SGCD: variants seen among roughly 807,000 people sequenced by gnomAD.
The protein encoded by SGCD is sarcoglycan delta.
In SGCD, 18 loss-of-function variants were observed where a neutral mutation model predicts 36.6. The observed-to-expected ratio is 0.49, with a 90% confidence interval of 0.34 to 0.73. The LOEUF (loss-of-function observed/expected upper bound fraction) is 0.73, where lower values mean the gene tolerates loss of function less well. Ranked by LOEUF, SGCD falls within the 30% of genes least tolerant of loss-of-function variation. The pLI is 0.01. For synonymous variants in SGCD, 133 were observed against 130.6 expected (o/e 1.02, Z -0.12); for missense variants, 387 against 346.7 (o/e 1.12, Z -0.92).
At chr5:155,777,798 T>G in the SGCD span, among the ~76,000 whole-genome samples, 10,254 of 152,138 alleles carry the variant, frequency 0.067, 1,103 homozygotes, top group African/African-American at 0.23. Context: ...GAGTTTTTTT[T>G]TGTGTTTGTT....
At chr5:156,287,494 G>T (rs942124985) in intron 3 of SGCD, among the ~76,000 whole-genome samples, 16 of 152,112 alleles carry the variant, frequency 1.1e-4, no homozygotes, top group Admixed American at 5.2e-4. Context: ...GAAAAGCCAA[G>T]GCAGTACATC....
intron 4 of SGCD, among the ~76,000 whole-genome samples, chr5:156,547,583 C>G (rs1008367758): frequency 6.6e-6 from 1 of 152,074 alleles, no homozygotes; most frequent in African/African-American, 2.4e-5. Context: ...GCTGGGACTA[C>G]AGGTGCCCAT....
chr5:156,477,684 G>GC (rs1554106885), intron 3 of SGCD, among the ~76,000 whole-genome samples: 11 of 48,754 alleles, frequency 2.3e-4, no homozygotes, highest in East Asian at 1.6e-3. Flanking sequence ...AAGTATTTGA[G>GC]CAAAAAAAAA....
chr5:156,492,728 G>A (rs1002536313), intron 3 of SGCD, among the ~76,000 whole-genome samples: 11 of 151,960 alleles, frequency 7.2e-5, no homozygotes, highest in Admixed American at 2.0e-4. Context: ...CCCACCACCC[G>A]ATAGGCCCTG....
At chr5:156,325,795 T>C (rs1767791988), upstream of SGCD, among the ~76,000 whole-genome samples, 1 of 152,142 alleles carries the variant, frequency 6.6e-6, no homozygotes, top group South Asian at 2.1e-4. Flanking sequence ...ACTCCAAAGA[T>C]CTGATTCTGT....
chr5:156,005,682 C>A (rs1007561416), intron 1 of SGCD, among the ~76,000 whole-genome samples: 2 of 152,174 alleles, frequency 1.3e-5, no homozygotes, highest in Admixed American at 1.3e-4. Context: ...TGTCTCCTGA[C>A]CTCATGATCC....
chr5:156,150,676 C>T (rs752462630), intron 3 of SGCD, among the ~76,000 whole-genome samples: 3 of 151,630 alleles, frequency 2.0e-5, no homozygotes, highest in Admixed American at 6.6e-5. Flanking sequence ...GTGGCTTCCC[C>T]GCAGTGATCT....
At chr5:155,775,808 C>T in the SGCD span, among the ~76,000 whole-genome samples, 1 of 152,090 alleles carries the variant, frequency 6.6e-6, no homozygotes, top group Non-Finnish European at 1.5e-5. Flanking sequence ...AGTCTGTTCC[C>T]TCAGGGAGCT....
the SGCD span, among the ~76,000 whole-genome samples, chr5:155,844,117 A>G: frequency 1.1e-4 from 17 of 151,800 alleles, no homozygotes; most frequent in African/African-American, 4.1e-4. Flanking sequence ...CAAAAGGGGA[A>G]AAAAAAACAA....
chr5:156,059,292 G>A (rs1326305957), intron 1 of SGCD, among the ~76,000 whole-genome samples: 1 of 145,528 alleles, frequency 6.9e-6, no homozygotes, highest in East Asian at 1.9e-4. Flanking sequence ...CCAGGAAAGG[G>A]AAGGCGGGTT....
At chr5:156,129,408 G>A (rs1164343557) in intron 3 of SGCD, among the ~76,000 whole-genome samples, 3 of 152,168 alleles carry the variant, frequency 2.0e-5, no homozygotes, top group Non-Finnish European at 4.4e-5. Flanking sequence ...TCAAGTGTCA[G>A]TCCATCTGAC....
intron 4 of SGCD, among the ~76,000 whole-genome samples, chr5:156,529,872 T>C (rs1480703647): frequency 6.6e-6 from 1 of 152,266 alleles, no homozygotes; most frequent in East Asian, 1.9e-4. Context: ...TGTGGGACTT[T>C]GCATTTCCAT....
At chr5:156,137,458 C>A (rs1323578062) in intron 3 of SGCD, among the ~76,000 whole-genome samples, 1 of 152,052 alleles carries the variant, frequency 6.6e-6, no homozygotes, top group Non-Finnish European at 1.5e-5. Context: ...GGAACATATT[C>A]CAGATGGTCA....
At chr5:156,527,474 A>T (rs1246913741) in intron 4 of SGCD, among the ~76,000 whole-genome samples, 2 of 152,102 alleles carry the variant, frequency 1.3e-5, no homozygotes, top group Non-Finnish European at 2.9e-5. Context: ...AATGTCCTGG[A>T]TGATGTGGGG....
chr5:155,747,012 GGT>G, the SGCD span, among the ~76,000 whole-genome samples: 1 of 151,988 alleles, frequency 6.6e-6, no homozygotes, highest in Non-Finnish European at 1.5e-5. Flanking sequence ...TGGTCTCTGG[GGT>G]GTGAGATTTT....
Position 156,318,885 on chromosome 5 carries a change from C to T in SGCD, c.-43-10649C>T, listed in dbSNP as rs572351007. On this transcript the variant is annotated intron_variant, in intron 3 of 9. Transcript: ENST00000517913. ...TGCTGGGATTACAGGCATGAGTCAC[C>T]GCATTTGGCCTCTTGGATGACCTCT... Among the ~76,000 whole-genome samples, 12 of 152,244 alleles carry T rather than the reference C, an allele frequency of 7.9e-5. No individual in the cohort carries two copies. In the East Asian group the frequency reaches 1.5e-3, roughly 20 times the overall value.
At chr5:156,756,409 G>A (rs1030596263) in intron 7 of SGCD, among the ~76,000 whole-genome samples, 9 of 152,136 alleles carry the variant, frequency 5.9e-5, no homozygotes, top group South Asian at 2.1e-4. Flanking sequence ...TTAGCTGCCC[G>A]TGGTGGCACA....
the SGCD span, among the ~76,000 whole-genome samples, chr5:155,796,521 C>T: frequency 0.041 from 6,261 of 151,444 alleles, 393 homozygotes; most frequent in African/African-American, 0.14. Context: ...ATCAATGATT[C>T]GGCCGGGCGC....
At chr5:156,279,068 T>A (rs1455355876) in intron 3 of SGCD, among the ~76,000 whole-genome samples, 2 of 152,146 alleles carry the variant, frequency 1.3e-5, no homozygotes, top group Non-Finnish European at 2.9e-5. Flanking sequence ...AGGACAGCCC[T>A]CACAACAAAG....
Sources: allele counts gnomAD v4.1 joint callset (sites outside exome capture counted in the v4.1 genomes callset), GRCh38; gene constraint gnomAD v4.1.1; transcripts MANE v1.5; gene names NCBI Gene and HGNC (gene_info 2026-07-23, HGNC 2026-07-21).